Variants in OPHN1 observed in about 807,000 individuals in gnomAD.
OPHN1 encodes the protein oligophrenin-1.
OPHN1 carries 11 observed loss-of-function variants against 60.7 expected under a neutral mutation model. That is an observed-to-expected ratio of 0.18 (90% CI 0.11 to 0.30). OPHN1 has a LOEUF of 0.30. OPHN1 is among the 10% of genes least tolerant of loss of function. OPHN1 has a pLI of 1.00. For synonymous variants in OPHN1, 226 were observed against 222.6 expected, an observed-to-expected ratio of 1.02 and a Z score of -0.14; for missense variants, 449 against 611.0, an observed-to-expected ratio of 0.73 and a Z score of 2.80.
intron 19 of OPHN1, among the ~76,000 whole-genome samples, chrX:68,075,064 C>A (rs185121706): frequency 3.6e-5 from 4 of 112,344 alleles, no homozygotes; most frequent in African/African-American, 1.3e-4. Flanking sequence ...AGGAAAAATA[C>A]ATGCAACAGT....
chrX:68,280,606 A>G lies in OPHN1; in HGVS notation c.312+2450T>C, dbSNP rs2078015110. The stretch of plus-strand genomic sequence containing the variant: ...ATAAATAGCTTTAACAAAACTGAGA[A>G]GCCCACAAAAAGTCATCTGATGGAG... On this transcript the variant is annotated intron_variant, in intron 4 of 24. Transcript: ENST00000355520. Among the ~76,000 whole-genome samples, 7 of 111,833 alleles carry G rather than the reference A, an allele frequency of 6.3e-5. No individual in the cohort carries two copies. In the South Asian group the frequency reaches 2.6e-3, roughly 42 times the overall value.
chrX:68,350,474 C>CCTTT (rs1216479628), intron 2 of OPHN1, among the ~76,000 whole-genome samples: 63 of 69,877 alleles, frequency 9.0e-4, no homozygotes, highest in Non-Finnish European at 1.2e-3. Flanking sequence ...CTTCCTTCCT[C>CCTTT]CCTCCCTCCC....
At chrX:68,350,743 T>G (rs1021424162) in intron 2 of OPHN1, among the ~76,000 whole-genome samples, 6 of 108,949 alleles carry the variant, frequency 5.5e-5, no homozygotes, top group Non-Finnish European at 1.1e-4. Flanking sequence ...CTCAAACTCC[T>G]GGACTTAAGC....
intron 23 of OPHN1, among the ~76,000 whole-genome samples, chrX:68,051,353 C>T (rs1186840917): frequency 1.8e-5 from 2 of 111,283 alleles, no homozygotes; most frequent in Non-Finnish European, 3.8e-5. Flanking sequence ...CAGTCTGTAC[C>T]AGCACTTGAG....
At chrX:68,398,803 G>T (rs1318270255) in intron 2 of OPHN1, among the ~76,000 whole-genome samples, 1 of 110,382 alleles carries the variant, frequency 9.1e-6, no homozygotes, top group Admixed American at 9.7e-5. Context: ...ACAAAAATTA[G>T]CCAGGCGTAG....
intron 5 of OPHN1, among the ~76,000 whole-genome samples, chrX:68,251,180 G>GTTTTT (rs1161101532): frequency 4.4e-5 from 2 of 45,735 alleles, no homozygotes; most frequent in African/African-American, 1.9e-4. Flanking sequence ...CTCCTCAAAT[G>GTTTTT]TTTTTTTTTT....
intron 18 of OPHN1, among the ~76,000 whole-genome samples, chrX:68,105,954 G>A (rs2077079757): frequency 9.1e-6 from 1 of 109,643 alleles, no homozygotes; most frequent in Non-Finnish European, 1.9e-5. Context: ...ATATGGTCTG[G>A]AAAAGTCAAA....
chrX:68,230,512 C>T (rs1327525914), intron 6 of OPHN1, among the ~76,000 whole-genome samples: 1 of 110,029 alleles, frequency 9.1e-6, no homozygotes, highest in African/African-American at 3.3e-5. Context: ...TTGGAACCAA[C>T]CCAAATATCC....
intron 20 of OPHN1, among the ~76,000 whole-genome samples, chrX:68,065,186 C>T (rs748326706): frequency 3.6e-5 from 4 of 110,742 alleles, no homozygotes; most frequent in East Asian, 2.8e-4. Context: ...CAAATTGAAA[C>T]CTGAGATATA....
intron 2 of OPHN1, among the ~76,000 whole-genome samples, chrX:68,350,437 T>C (rs2078402038): frequency 1.3e-5 from 1 of 78,524 alleles, no homozygotes; most frequent in Admixed American, 1.5e-4. Context: ...CCTCCCTCTC[T>C]CCCTCCCTCT....
intron 2 of OPHN1, among the ~76,000 whole-genome samples, chrX:68,335,924 G>T (rs1696287350): frequency 9.1e-6 from 1 of 110,453 alleles, no homozygotes; most frequent in Non-Finnish European, 1.9e-5. Flanking sequence ...AGTAGACTCC[G>T]CCTCAAAAAA....
At chrX:68,135,279 GCAAA>G (rs917680014) in intron 15 of OPHN1, among the ~76,000 whole-genome samples, 6 of 108,018 alleles carry the variant, frequency 5.6e-5, no homozygotes, top group African/African-American at 2.2e-4. Context: ...AAGCTTAGTT[GCAAA>G]CAAATAAAAA....
chrX:68,072,015 C>T (rs993461682), intron 20 of OPHN1, among the ~76,000 whole-genome samples: 1 of 111,727 alleles, frequency 9.0e-6, no homozygotes, highest in African/African-American at 3.3e-5. Flanking sequence ...GTAGAGCTGA[C>T]AAGAATTGCC....
intron 2 of OPHN1, among the ~76,000 whole-genome samples, chrX:68,373,002 C>G (rs1346518981): frequency 1.8e-5 from 2 of 111,821 alleles, no homozygotes; most frequent in East Asian, 5.7e-4. Context: ...CATGGAGTGC[C>G]AGGGAGCATA....
chrX:68,283,987 C>A (rs1384163661), intron 3 of OPHN1, among the ~76,000 whole-genome samples: 2 of 111,364 alleles, frequency 1.8e-5, no homozygotes, highest in African/African-American at 6.5e-5. Flanking sequence ...ACACTAAATT[C>A]ATTCAGAGCT....
At chrX:68,125,954 T>TATATATATACAC (rs1262640434) in intron 15 of OPHN1, among the ~76,000 whole-genome samples, 2 of 55,829 alleles carry the variant, frequency 3.6e-5, no homozygotes, top group South Asian at 2.9e-3. Context: ...TATATATATA[T>TATATATATACAC]ATACATACAC....
intron 2 of OPHN1, among the ~76,000 whole-genome samples, chrX:68,402,276 G>A (rs1375405956): frequency 9.5e-6 from 1 of 105,554 alleles, no homozygotes; most frequent in African/African-American, 3.5e-5. Context: ...AAGAAGGGGA[G>A]AAGAAAGAAG....
chrX:68,400,620 G>A (rs1321975233), intron 2 of OPHN1, among the ~76,000 whole-genome samples: 4 of 81,028 alleles, frequency 4.9e-5, no homozygotes, highest in Non-Finnish European at 1.0e-4. Context: ...TTTTTTTTTT[G>A]AGATGGAGTC....
chrX:68,360,863 G>A (rs960281564), intron 2 of OPHN1, among the ~76,000 whole-genome samples: 2 of 111,398 alleles, frequency 1.8e-5, no homozygotes, highest in African/African-American at 6.5e-5. Flanking sequence ...AATAATGATA[G>A]GGACAATGTA....
Sources: allele counts gnomAD v4.1 joint callset (sites outside exome capture counted in the v4.1 genomes callset), GRCh38; gene constraint gnomAD v4.1.1; transcripts MANE v1.5; gene names NCBI Gene and HGNC (gene_info 2026-07-23, HGNC 2026-07-21).